CADM1: variants seen among roughly 807,000 people sequenced by gnomAD.
The protein encoded by CADM1 is cell adhesion molecule 1.
In CADM1, 15 loss-of-function variants were observed where a neutral mutation model predicts 53.1. The ratio of observed to expected loss-of-function variants is 0.28; its 90% CI spans 0.19 to 0.44. The LOEUF (loss-of-function observed/expected upper bound fraction) is 0.44. Ranked by LOEUF, CADM1 falls within the 20% of genes least tolerant of loss-of-function variation. CADM1 has a pLI of 1.00. For missense variants in CADM1, 434 were observed against 611.3 expected, an observed-to-expected ratio of 0.71 and a Z score of 3.06; for synonymous variants, 281 against 243.0, an observed-to-expected ratio of 1.16 and a Z score of -1.45.
chr11:115,209,906 G>A (rs1278858324), intron 7 of CADM1, among the ~76,000 whole-genome samples: 5 of 152,186 alleles, frequency 3.3e-5, no homozygotes, highest in Admixed American at 3.3e-4. Context: ...GATGTGAAGA[G>A]AGGGGAGGAA....
At chr11:115,302,759 G>C (rs1363431672) in intron 1 of CADM1, among the ~76,000 whole-genome samples, 2 of 152,178 alleles carry the variant, frequency 1.3e-5, no homozygotes, top group South Asian at 4.2e-4. Context: ...GCCCAGGAAA[G>C]GTTCTCAATG....
chr11:115,182,433 T>G (rs879080027), intron 10 of CADM1, among the ~76,000 whole-genome samples: 1 of 152,192 alleles, frequency 6.6e-6, no homozygotes, highest in African/African-American at 2.4e-5. Context: ...AAAGCCATGT[T>G]TTTGCTTGGT....
intron 5 of CADM1, among the ~76,000 whole-genome samples, chr11:115,223,959 A>T (rs1188664049): frequency 1.3e-5 from 1 of 75,026 alleles, no homozygotes; most frequent in East Asian, 2.7e-4. Context: ...TATTCCGTTT[A>T]AAAAAAAAAA....
intron 1 of CADM1, among the ~76,000 whole-genome samples, chr11:115,440,053 T>G (rs992206777): frequency 6.6e-6 from 1 of 152,228 alleles, no homozygotes. Context: ...TTCTACCCGT[T>G]TATACTCATA....
At chr11:115,217,859 G>T in intron 6 of CADM1, 33 bp downstream of exon 6, 1 of 1,353,900 alleles carries the variant, frequency 7.4e-7, no homozygotes, top group Non-Finnish European at 1.1e-6. Flanking sequence ...TACTGCGCAT[G>T]ACCCTCTGCC....
chr11:115,326,746 A>G (rs1368508559), intron 1 of CADM1, among the ~76,000 whole-genome samples: 1 of 152,172 alleles, frequency 6.6e-6, no homozygotes, highest in African/African-American at 2.4e-5. Flanking sequence ...TCTGCCTGCT[A>G]ACATATTAGA....
chr11:115,270,201 T>A (rs1472035375), intron 1 of CADM1, among the ~76,000 whole-genome samples: 2 of 152,192 alleles, frequency 1.3e-5, no homozygotes, highest in Non-Finnish European at 2.9e-5. Flanking sequence ...AGTCTAGATT[T>A]CATATCAGAC....
At chr11:115,348,090 T>G (rs528184874) in intron 1 of CADM1, among the ~76,000 whole-genome samples, 1 of 152,304 alleles carries the variant, frequency 6.6e-6, no homozygotes, top group Admixed American at 6.5e-5. Flanking sequence ...CTAAGTACCA[T>G]GGGAAATCAG....
chr11:115,406,092 G>GT (rs1947305825), intron 1 of CADM1, among the ~76,000 whole-genome samples: 1 of 152,186 alleles, frequency 6.6e-6, no homozygotes, highest in South Asian at 2.1e-4. Context: ...GGTTTCTTCA[G>GT]TTTTCTCATG....
intron 1 of CADM1, among the ~76,000 whole-genome samples, chr11:115,434,766 G>T (rs1365545328): frequency 6.6e-6 from 1 of 151,910 alleles, no homozygotes; most frequent in Non-Finnish European, 1.5e-5. Context: ...CAAATAAAAT[G>T]GAATGAACTA....
chr11:115,223,971 A>AGAGAGAGAG lies in CADM1; in HGVS notation c.721+5141_721+5142insCTCTCTCTC, dbSNP rs1470723432. 4.5e-3 allele frequency among the ~76,000 whole-genome samples: 77 copies of AGAGAGAGAG among 16,962 alleles called. No homozygotes were observed. In the South Asian group the frequency reaches 0.096, roughly 21 times the overall value. 11.1% of individuals were successfully genotyped at this position (16,962 alleles called of 152,430 possible). On this transcript the variant is annotated intron_variant, in intron 5 of 11. Coordinates refer to ENST00000331581, the MANE Select transcript of CADM1 (RefSeq NM_001301043.2). ...GCGTATTCCGTTTAAAAAAAAAAAA[A>AGAGAGAGAG]AAAGAGAGAGAGAGAGAGAGAGAGA... is the stretch of plus-strand genomic sequence containing the variant.
rs1415046917 is a variant in CADM1 at position 115,355,259 on chromosome 11, C to T, written c.125-114839G>A. ...ATAAAGAAAATGTGGTATATATACA[C>T]TGTAGAATACTATGCAGCTATAAAA... On this transcript the variant is annotated intron_variant, in intron 1 of 11. Coordinates refer to ENST00000331581, the MANE Select transcript of CADM1 (RefSeq NM_001301043.2). Among the ~76,000 whole-genome samples the T allele has an allele frequency of 2.6e-5, 4 of 152,302 alleles. No homozygotes were observed. The East Asian group carries it at 7.7e-4, about 29-fold the overall frequency.
Position 115,297,035 on chromosome 11 carries a change from T to A in CADM1, c.125-56615A>T, listed in dbSNP as rs1159626313. On this transcript the variant is annotated intron_variant, in intron 1 of 11. Coordinates refer to ENST00000331581, the MANE Select transcript of CADM1 (RefSeq NM_001301043.2). ...ATCTATGTAGAACAAGCTTCTTTTG[T>A]ATCCAGTAAATATAATGCTTCAAGT... Among the ~76,000 whole-genome samples the A allele has an allele frequency of 5.3e-5, 8 of 152,376 alleles. No homozygotes were observed. In the South Asian group the frequency reaches 1.2e-3, roughly 24 times the overall value.
At chr11:115,456,315 A>G (rs1051524582) in intron 1 of CADM1, among the ~76,000 whole-genome samples, 13 of 152,160 alleles carry the variant, frequency 8.5e-5, no homozygotes, top group Non-Finnish European at 1.6e-4. Context: ...TGATACAAAA[A>G]AAAAACTGCA....
At chr11:115,338,345 T>C (rs1425280413) in intron 1 of CADM1, among the ~76,000 whole-genome samples, 1 of 152,148 alleles carries the variant, frequency 6.6e-6, no homozygotes, top group Non-Finnish European at 1.5e-5. Context: ...AGCTAGTAAG[T>C]AATAGAGCCA....
intron 1 of CADM1, among the ~76,000 whole-genome samples, chr11:115,428,481 G>A (rs1947955223): frequency 6.6e-6 from 1 of 152,024 alleles, no homozygotes; most frequent in Non-Finnish European, 1.5e-5. Context: ...TTTTTTAAGA[G>A]TTTGGAATGA....
intron 1 of CADM1, among the ~76,000 whole-genome samples, chr11:115,263,698 GTTCT>G (rs1294413594): frequency 3.9e-5 from 6 of 152,192 alleles, no homozygotes; most frequent in East Asian, 3.9e-4. Context: ...ACCATTGCGA[GTTCT>G]TTCTGTTATA....
intron 1 of CADM1, among the ~76,000 whole-genome samples, chr11:115,416,698 T>C (rs1591207566): frequency 1.4e-5 from 2 of 141,376 alleles, no homozygotes; most frequent in South Asian, 2.3e-4. Flanking sequence ...AAGGATTAAA[T>C]ACACACACAC....
chr11:115,324,288 T>C (rs1002465386), intron 1 of CADM1, among the ~76,000 whole-genome samples: 27 of 152,306 alleles, frequency 1.8e-4, no homozygotes, highest in African/African-American at 6.5e-4. Flanking sequence ...TGAACTTTCT[T>C]TGCTATGTAG....
Sources: allele counts gnomAD v4.1 joint callset (sites outside exome capture counted in the v4.1 genomes callset), GRCh38; gene constraint gnomAD v4.1.1; transcripts MANE v1.5; gene names NCBI Gene and HGNC (gene_info 2026-07-23, HGNC 2026-07-21).